The following TRDN variants were observed in gnomAD, a reference collection of about 807,000 sequenced individuals.
The protein encoded by TRDN is triadin, also known as triadin in skeletal muscle.
A neutral mutation model predicts 149.7 loss-of-function variants in TRDN; 161 were observed. The ratio of observed to expected loss-of-function variants is 1.08; its 90% CI spans 0.95 to 1.23. The LOEUF is 1.23. TRDN is among the 50% of genes most tolerant of loss of function. TRDN has a pLI of 0.00. For synonymous variants in TRDN, 294 were observed against 250.5 expected, an observed-to-expected ratio of 1.17 and a Z score of -1.64; for missense variants, 896 against 823.5, an observed-to-expected ratio of 1.09 and a Z score of -1.08.
chr6:123,442,876 G>T (rs971336799), intron 10 of TRDN, among the ~76,000 whole-genome samples: 3 of 151,932 alleles, frequency 2.0e-5, no homozygotes, highest in African/African-American at 7.3e-5. Flanking sequence ...TGTTATGAAG[G>T]GTACTGTACT....
chr6:123,427,159 A>G (rs760946359), intron 12 of TRDN, among the ~76,000 whole-genome samples: 5 of 151,870 alleles, frequency 3.3e-5, no homozygotes, highest in Non-Finnish European at 5.9e-5. Flanking sequence ...CTATGATAAG[A>G]TTCACAGTGA....
At chr6:123,513,099 A>T (rs1779254428) in intron 6 of TRDN, among the ~76,000 whole-genome samples, 2 of 152,124 alleles carry the variant, frequency 1.3e-5, no homozygotes, top group Non-Finnish European at 2.9e-5. Context: ...AGTGTCCCTA[A>T]CACATGCAGA....
chr6:123,478,670 T>C (rs1005306985), intron 9 of TRDN, among the ~76,000 whole-genome samples: 2 of 152,184 alleles, frequency 1.3e-5, no homozygotes, highest in African/African-American at 4.8e-5. Context: ...ATAATAAATC[T>C]ATTTAATGTA....
chr6:123,541,465 C>A (rs1311385690), intron 4 of TRDN, among the ~76,000 whole-genome samples: 1 of 152,108 alleles, frequency 6.6e-6, no homozygotes, highest in Non-Finnish European at 1.5e-5. Context: ...CTCCTTTGAT[C>A]TCGCCCTCCT....
chr6:123,516,262 T>C, intron 5 of TRDN, 56 bp from the exon 6 acceptor site: 3 of 1,392,200 alleles, frequency 2.2e-6, no homozygotes, highest in East Asian at 2.9e-5. Context: ...AATGAGGAGA[T>C]GTTTGCACGG....
At chr6:123,264,411 C>T (rs541212158) in intron 33 of TRDN, among the ~76,000 whole-genome samples, 108 of 152,156 alleles carry the variant, frequency 7.1e-4, no homozygotes, top group African/African-American at 2.5e-3. Context: ...GGCTGAATTG[C>T]TTCAATGTCA....
At chr6:123,453,813 A>G (rs1775933640) in intron 10 of TRDN, among the ~76,000 whole-genome samples, 1 of 152,160 alleles carries the variant, frequency 6.6e-6, no homozygotes, top group South Asian at 2.1e-4. Context: ...GCATGTTTAT[A>G]GCAGCACAAT....
intron 38 of TRDN, among the ~76,000 whole-genome samples, chr6:123,251,778 A>G (rs1474681814): frequency 1.3e-5 from 2 of 151,986 alleles, no homozygotes; most frequent in Non-Finnish European, 2.9e-5. Flanking sequence ...TCCTATATAC[A>G]TAGAATTTCT....
intron 10 of TRDN, among the ~76,000 whole-genome samples, chr6:123,451,930 G>A (rs1049966629): frequency 6.6e-6 from 1 of 152,080 alleles, no homozygotes; most frequent in Non-Finnish European, 1.5e-5. Flanking sequence ...CAGGGATGAA[G>A]GGATGGTTTA....
At chr6:123,318,101 A>G (rs1297806533) in intron 23 of TRDN, among the ~76,000 whole-genome samples, 1 of 152,004 alleles carries the variant, frequency 6.6e-6, no homozygotes, top group Non-Finnish European at 1.5e-5. Context: ...GTTAATTCCT[A>G]TCTAATTACT....
At chr6:123,254,055 T>G (rs2114574210) in intron 37 of TRDN, among the ~76,000 whole-genome samples, 1 of 152,236 alleles carries the variant, frequency 6.6e-6, no homozygotes, top group South Asian at 2.1e-4. Context: ...TATTTCATCT[T>G]TAAACTGGGC....
chr6:123,573,503 C>A (rs1291162208), intron 1 of TRDN, among the ~76,000 whole-genome samples: 1 of 152,050 alleles, frequency 6.6e-6, no homozygotes, highest in East Asian at 1.9e-4. Context: ...ACCTCGGAAA[C>A]AAAGGTGGAA....
intron 9 of TRDN, among the ~76,000 whole-genome samples, chr6:123,486,809 A>G (rs949949000): frequency 3.9e-5 from 6 of 152,004 alleles, no homozygotes; most frequent in African/African-American, 1.4e-4. Context: ...TACATCTACT[A>G]GGAACTTACT....
intron 10 of TRDN, among the ~76,000 whole-genome samples, chr6:123,441,612 T>A (rs1774894165): frequency 6.6e-6 from 1 of 152,184 alleles, no homozygotes; most frequent in Non-Finnish European, 1.5e-5. Context: ...TCTGCATAAA[T>A]TAACATCAGA....
At chr6:123,523,359 C>T (rs1363612414) in intron 5 of TRDN, among the ~76,000 whole-genome samples, 4 of 151,994 alleles carry the variant, frequency 2.6e-5, no homozygotes, top group Non-Finnish European at 5.9e-5. Context: ...CTAAGGGTGG[C>T]AGGGAGGAGG....
At chr6:123,533,544 G>C (rs1780358074) in intron 4 of TRDN, among the ~76,000 whole-genome samples, 1 of 152,102 alleles carries the variant, frequency 6.6e-6, no homozygotes, top group South Asian at 2.1e-4. Context: ...GTAGGTGTAA[G>C]TTTGCACATC....
At chr6:123,225,861 T>C (rs188413700) in intron 38 of TRDN, among the ~76,000 whole-genome samples, 2 of 151,784 alleles carry the variant, frequency 1.3e-5, no homozygotes, top group South Asian at 4.1e-4. Flanking sequence ...GCAATTCTAA[T>C]GCAATATAAC....
At chr6:123,408,659 C>G (rs1773297887) in intron 12 of TRDN, among the ~76,000 whole-genome samples, 1 of 138,882 alleles carries the variant, frequency 7.2e-6, no homozygotes, top group Non-Finnish European at 1.5e-5. Flanking sequence ...GCCTGGGGGA[C>G]AAGAGTGAGA....
intron 5 of TRDN, among the ~76,000 whole-genome samples, chr6:123,517,694 C>A (rs945414950): frequency 5.3e-5 from 8 of 152,068 alleles, no homozygotes; most frequent in African/African-American, 1.7e-4. Flanking sequence ...CTTTATGTCT[C>A]TGCCTGTATG....
Sources: allele counts gnomAD v4.1 joint callset (sites outside exome capture counted in the v4.1 genomes callset), GRCh38; gene constraint gnomAD v4.1.1; transcripts MANE v1.5; gene names NCBI Gene and HGNC (gene_info 2026-07-23, HGNC 2026-07-21).